The following CTNND2 variants were observed in gnomAD, a reference collection of about 807,000 sequenced individuals.
The protein encoded by CTNND2 is catenin delta-2.
CTNND2 carries 22 observed loss-of-function variants against 144.4 expected under a neutral mutation model. The ratio of observed to expected loss-of-function variants is 0.15; its 90% CI spans 0.11 to 0.22. The LOEUF (loss-of-function observed/expected upper bound fraction) is 0.22. Among genes scored for constraint, CTNND2 ranks in the 10% least tolerant of loss-of-function variants. The pLI, the probability that CTNND2 is intolerant of heterozygous loss-of-function variation, is 1.00. For synonymous variants in CTNND2, 751 were observed against 695.6 expected (o/e 1.08, Z -1.25); for missense variants, 1,353 against 1,618.8 (o/e 0.84, Z 2.82).
chr5:11,023,141 A>G (rs942805071), intron 16 of CTNND2, among the ~76,000 whole-genome samples, 162 bp from the exon 17 acceptor site: 2 of 152,198 alleles, frequency 1.3e-5, no homozygotes, highest in African/African-American at 4.8e-5. Context: ...TTTTACACAC[A>G]TCTACAGAGA....
chr5:11,241,161 AAC>A (rs1238721911), intron 9 of CTNND2, among the ~76,000 whole-genome samples: 2 of 151,870 alleles, frequency 1.3e-5, no homozygotes, highest in African/African-American at 2.4e-5. Flanking sequence ...TCACACACCC[AAC>A]ACACACAGAC....
At chr5:11,435,551 A>G (rs1376461920) in intron 3 of CTNND2, among the ~76,000 whole-genome samples, 2 of 152,146 alleles carry the variant, frequency 1.3e-5, no homozygotes, top group African/African-American at 4.8e-5. Flanking sequence ...AGCCACAGAA[A>G]CAACCTAGGC....
At chr5:11,305,085 C>T (rs1467092578) in intron 9 of CTNND2, among the ~76,000 whole-genome samples, 1 of 152,224 alleles carries the variant, frequency 6.6e-6, no homozygotes, top group Non-Finnish European at 1.5e-5. Context: ...TGCCTTGCTC[C>T]CTTCAGAGGT....
chr5:11,129,684 T>C (rs1755367871), intron 12 of CTNND2, among the ~76,000 whole-genome samples: 1 of 151,956 alleles, frequency 6.6e-6, no homozygotes, highest in Non-Finnish European at 1.5e-5. Context: ...GAACCAATAG[T>C]GCTACAGTTG....
At chr5:11,265,066 A>G (rs544737563) in intron 9 of CTNND2, among the ~76,000 whole-genome samples, 4 of 152,330 alleles carry the variant, frequency 2.6e-5, no homozygotes, top group East Asian at 1.9e-4. Flanking sequence ...CATAAATTAT[A>G]TATTTTAGAA....
At chr5:11,532,705 C>T (rs564108281) in intron 3 of CTNND2, among the ~76,000 whole-genome samples, 7 of 152,048 alleles carry the variant, frequency 4.6e-5, no homozygotes, top group East Asian at 1.9e-4. Flanking sequence ...GGTTCAATAT[C>T]GCAAAACAAA....
chr5:11,013,062 C>T (rs182229651), intron 18 of CTNND2, among the ~76,000 whole-genome samples: 52 of 152,326 alleles, frequency 3.4e-4, no homozygotes, highest in Non-Finnish European at 6.8e-4. Flanking sequence ...CTTCCCCTCA[C>T]GCTTCTTCCC....
At chr5:11,739,780 A>G (rs1174329011) in intron 1 of CTNND2, among the ~76,000 whole-genome samples, 1 of 152,180 alleles carries the variant, frequency 6.6e-6, no homozygotes. Context: ...GCATGATTGT[A>G]TACTTAGAAA....
chr5:11,458,380 G>T (rs1765914390), intron 3 of CTNND2, among the ~76,000 whole-genome samples: 1 of 152,216 alleles, frequency 6.6e-6, no homozygotes, highest in Non-Finnish European at 1.5e-5. Context: ...TGGATTCAGA[G>T]TAAGTGTGCC....
chr5:11,228,371 A>AAC (rs1490444740), intron 10 of CTNND2, among the ~76,000 whole-genome samples: 2 of 150,000 alleles, frequency 1.3e-5, no homozygotes, highest in African/African-American at 2.4e-5. Flanking sequence ...AAAAAAAAAA[A>AAC]AAAAAAAACA....
intron 11 of CTNND2, among the ~76,000 whole-genome samples, chr5:11,186,847 A>T (rs577113011): frequency 1.4e-4 from 22 of 152,360 alleles, no homozygotes; most frequent in Admixed American, 4.6e-4. Flanking sequence ...TTGGAAATCA[A>T]GGACTACACT....
rs1293842184 is a variant in CTNND2 at position 11,364,798 on chromosome 5, A to G, written c.1270T>C (p.Tyr424His). The G allele has an allele frequency of 3.1e-6, 5 of 1,613,746 alleles. No individual in the cohort carries two copies. The African/African-American group carries it at 6.7e-5, about 22-fold the overall frequency. Residue 424 changes from tyrosine (Y) to histidine (H), a missense_variant, in exon 8 of 22, where the codon TAT (tyrosine) becomes CAT (histidine). Around this residue, in one of 4 missense-constraint regions of CTNND2, gnomAD observed 708 missense variants for 706.4 expected, o/e 1.00. Coordinates refer to ENST00000304623, the MANE Select transcript of CTNND2 (RefSeq NM_001332.4). ...QSPEHHIDPI[Y>H]EDRVYQKPPM... ...GGCTTCTGATAGACGCGGTCTTCAT[A>G]GATGGGATCTATGTGGTGTTCTGGG...
intron 2 of CTNND2, among the ~76,000 whole-genome samples, chr5:11,650,228 T>C (rs1782579967): frequency 1.3e-5 from 2 of 152,160 alleles, no homozygotes; most frequent in Admixed American, 6.5e-5. Context: ...CCTCCTTCAC[T>C]CTCTCTTCCT....
intron 9 of CTNND2, among the ~76,000 whole-genome samples, chr5:11,305,373 C>G (rs558543310): frequency 3.3e-5 from 5 of 152,284 alleles, no homozygotes; most frequent in Non-Finnish European, 5.9e-5. Context: ...CCCACCTCCC[C>G]ACTCCAGTGC....
intron 16 of CTNND2, among the ~76,000 whole-genome samples, chr5:11,032,184 G>A (rs945442224): frequency 1.2e-4 from 19 of 152,214 alleles, no homozygotes; most frequent in South Asian, 4.2e-4. Context: ...ATCCTCTCCC[G>A]TCTCTGAATT....
chr5:11,767,322 TA>T (rs1175340599), intron 1 of CTNND2, among the ~76,000 whole-genome samples: 1 of 152,190 alleles, frequency 6.6e-6, no homozygotes, highest in East Asian at 1.9e-4. Context: ...CATTAATTAC[TA>T]GTAGGCCATG....
intron 12 of CTNND2, among the ~76,000 whole-genome samples, chr5:11,150,190 C>T (rs373424253): frequency 6.6e-6 from 1 of 152,320 alleles, no homozygotes; most frequent in Admixed American, 6.5e-5. Flanking sequence ...CCACCTCTCA[C>T]TCTTCCATAG....
At position 11,182,039 on chromosome 5, in the gene CTNND2, T is replaced by G. The variant is rs1229456769; in HGVS notation, c.1975+17409A>C. Reference sequence around the variant, plus strand: ...TGTGGCGTGTGTGATGTATGTGTGGTGTGTGTGGGGTGTGTGTGGGGGGTG... The same window carrying G: ...TGTGGCGTGTGTGATGTATGTGTGGGGTGTGTGGGGTGTGTGTGGGGGGTG... On this transcript the variant is annotated intron_variant, in intron 11 of 21. Coordinates refer to ENST00000304623, the MANE Select transcript of CTNND2 (RefSeq NM_001332.4). Among the ~76,000 whole-genome samples the G allele has an allele frequency of 6.7e-5, 8 of 119,026 alleles. No individual in the cohort carries two copies. In the Admixed American group the frequency reaches 6.8e-4, roughly 10 times the overall value. The allele number at this position is 119,026 out of a possible 152,430, so 78.1% of individuals were successfully genotyped here.
In CTNND2 at chr5:11,022,988, G is replaced by T; in HGVS notation, c.2789-9C>A. 6.2e-7 allele frequency: 1 copy of T among 1,613,640 alleles called. No individual in the cohort carries two copies. The highest frequency in any genetic ancestry group is 1.7e-5 in the Admixed American group (1 of 60,010). The stretch of plus-strand genomic sequence containing the variant: ...TCGCATGGCGTATTTGCCTGGAAAA[G>T]AAAATAAAGAGAAGAGTTGAAAGGA... On this transcript the variant is annotated splice_polypyrimidine_tract_variant and intron_variant, in intron 16 of 21. Coordinates refer to ENST00000304623, the MANE Select transcript of CTNND2 (RefSeq NM_001332.4).
Sources: gnomAD v4.1 joint callset for allele counts (sites outside exome capture counted in the v4.1 genomes callset) on GRCh38, gnomAD v4.1.1 for gene constraint, gnomAD v4.1.1 regional missense constraint, MANE v1.5 for transcripts, NCBI Gene and HGNC (gene_info 2026-07-23, HGNC 2026-07-21) for gene names.